FLT1: variants seen among roughly 807,000 people sequenced by gnomAD.
The protein encoded by FLT1 is vascular endothelial growth factor receptor 1.
In FLT1, 49 loss-of-function variants were observed where a neutral mutation model predicts 156.3. That is an observed-to-expected ratio of 0.31 (90% confidence interval 0.25 to 0.40). The LOEUF is 0.40. Among genes scored for constraint, FLT1 ranks in the 10% least tolerant of loss-of-function variants. The pLI, the probability that FLT1 is intolerant of heterozygous loss-of-function variation, is 1.00. For missense variants in FLT1, 1,322 were observed against 1,637.2 expected (o/e 0.81, Z 3.32); for synonymous variants, 594 against 583.8 (o/e 1.02, Z -0.25).
At chr13:28,362,073 G>A (rs1244509204) in intron 14 of FLT1, among the ~76,000 whole-genome samples, 3 of 152,186 alleles carry the variant, frequency 2.0e-5, no homozygotes, top group Non-Finnish European at 2.9e-5. Context: ...AAGTAGAGAG[G>A]AAGAAATGGA....
At chr13:28,461,482 C>T (rs1280142562) in intron 3 of FLT1, among the ~76,000 whole-genome samples, 3 of 152,164 alleles carry the variant, frequency 2.0e-5, no homozygotes, top group Admixed American at 2.0e-4. Flanking sequence ...GAAATACCAA[C>T]TCCCTTTCTC....
intron 24 of FLT1, among the ~76,000 whole-genome samples, chr13:28,318,663 T>A (rs1362898986): frequency 1.3e-5 from 2 of 151,962 alleles, no homozygotes; most frequent in Non-Finnish European, 2.9e-5. Flanking sequence ...GGGGAATGAT[T>A]TTCACACATT....
At chr13:28,326,586 C>T (rs1269787597) in intron 20 of FLT1, among the ~76,000 whole-genome samples, 1 of 126,498 alleles carries the variant, frequency 7.9e-6, no homozygotes, top group Non-Finnish European at 1.6e-5. Flanking sequence ...AGTGTAGTGG[C>T]TTGATCTCGG....
At chr13:28,387,828 C>T (rs1874459644) in intron 13 of FLT1, 2 of 829,422 alleles carry the variant, frequency 2.4e-6, no homozygotes, top group Non-Finnish European at 3.0e-6. Flanking sequence ...AAAAAAGACT[C>T]TCCGGAAGGA....
chr13:28,377,963 A>T (rs562211548), intron 14 of FLT1, among the ~76,000 whole-genome samples: 20 of 152,070 alleles, frequency 1.3e-4, no homozygotes, highest in Admixed American at 5.2e-4. Flanking sequence ...TCTAGTTTTT[A>T]AAAAAAATGC....
At chr13:28,470,777 G>A (rs1462776202) in intron 1 of FLT1, among the ~76,000 whole-genome samples, 2 of 152,036 alleles carry the variant, frequency 1.3e-5, no homozygotes, top group African/African-American at 2.4e-5. Flanking sequence ...TGCAGCCTCC[G>A]CCTCCTGGGT....
At chr13:28,334,184 G>A (rs1278988817) in intron 17 of FLT1, 55 bp from the exon 18 acceptor site, 12 of 1,146,750 alleles carry the variant, frequency 1.0e-5, no homozygotes, top group African/African-American at 1.5e-5. Context: ...GTGAGTTTAA[G>A]TCTTTTTCAG....
intron 10 of FLT1, among the ~76,000 whole-genome samples, chr13:28,406,142 A>C (rs1440724384): frequency 1.3e-5 from 2 of 152,256 alleles, no homozygotes; most frequent in Non-Finnish European, 1.5e-5. Flanking sequence ...GTAAATGTTA[A>C]TATTAAATAA....
intron 3 of FLT1, among the ~76,000 whole-genome samples, chr13:28,440,528 G>A (rs2137565446): frequency 6.6e-6 from 1 of 152,296 alleles, no homozygotes; most frequent in Middle Eastern, 3.4e-3. Context: ...ACATTCAGTG[G>A]GAAAGTAAGT....
intron 16 of FLT1, among the ~76,000 whole-genome samples, chr13:28,342,946 T>TTCTTTCTC (rs796327089): frequency 1.2e-4 from 17 of 143,004 alleles, no homozygotes; most frequent in African/African-American, 4.0e-4. Flanking sequence ...CTTTCTTTCT[T>TTCTTTCTC]TCTCTCTCTC....
At chr13:28,369,854 A>C (rs1873475411) in intron 14 of FLT1, among the ~76,000 whole-genome samples, 1 of 152,198 alleles carries the variant, frequency 6.6e-6, no homozygotes, top group Non-Finnish European at 1.5e-5. Flanking sequence ...TGAAAAAGAC[A>C]GAGAAAGAAC....
chr13:28,466,755 C>T (rs753385236), intron 3 of FLT1, 148 bp downstream of exon 3: 136 of 711,282 alleles, frequency 1.9e-4, no homozygotes, highest in Non-Finnish European at 3.1e-4. Flanking sequence ...TTGACATCCA[C>T]GAAAGTGTCT....
At chr13:28,413,810 G>A (rs1471551430) in intron 10 of FLT1, among the ~76,000 whole-genome samples, 3 of 152,200 alleles carry the variant, frequency 2.0e-5, no homozygotes, top group Non-Finnish European at 4.4e-5. Context: ...AGTGGAGGTA[G>A]GGAATCACAG....
At chr13:28,385,224 T>TG (rs2137450062) in intron 13 of FLT1, among the ~76,000 whole-genome samples, 193 bp from the exon 14 acceptor site, 1 of 152,370 alleles carries the variant, frequency 6.6e-6, no homozygotes, top group Non-Finnish European at 1.5e-5. Flanking sequence ...AATTGAAATT[T>TG]ATTACAACAC....
At chr13:28,407,377 T>C (rs989142981) in intron 10 of FLT1, among the ~76,000 whole-genome samples, 7 of 150,890 alleles carry the variant, frequency 4.6e-5, no homozygotes, top group Admixed American at 2.0e-4. Context: ...CCCTTTTTTT[T>C]CTTCTGTATT....
Position 28,322,857 on chromosome 13 carries a change from G to A in FLT1, c.2886C>T (p.Ser962=), listed in dbSNP as rs764102997. ...GKKPRLDSVT[S]SESFASSGFQ... ...AGCCGGAGCTCGCAAAGCTTTCGCT[G>A]CTGGTGACGCTATCTAGTCTTGGTT... Residue 962 remains serine (S), a synonymous_variant, in exon 21 of 30, where the codon AGC becomes AGT. Transcript: ENST00000282397. This position sits in a 1 kb window ranked among gnomAD's most constrained non-coding sequence, Gnocchi z 4.3. 5 of 1,614,094 alleles carry A rather than the reference G, an allele frequency of 3.1e-6. No individual in the cohort carries two copies. In the South Asian group the frequency reaches 5.5e-5, roughly 18 times the overall value.
chr13:28,365,278 G>T (rs1341770703), intron 14 of FLT1, among the ~76,000 whole-genome samples: 1 of 151,672 alleles, frequency 6.6e-6, no homozygotes, highest in Non-Finnish European at 1.5e-5. Context: ...AAATAGTATT[G>T]AGGTCTTTGA....
Position 28,302,285 on chromosome 13 carries a change from C to G in FLT1, c.*882G>C, listed in dbSNP as rs150482174. 44 of 233,280 alleles carry G rather than the reference C, an allele frequency of 1.9e-4. No homozygotes were observed. In the East Asian group the frequency reaches 2.3e-3, roughly 12 times the overall value. The allele number at this position is 233,280 out of a possible 1,614,324, so 14.5% of individuals were successfully genotyped here. A position where few individuals can be genotyped will look rare whatever the true frequency, so the allele number is the denominator to read the frequency against. On this transcript the variant is annotated 3_prime_UTR_variant, in exon 30 of 30. Coordinates refer to ENST00000282397, the MANE Select transcript of FLT1 (RefSeq NM_002019.4). The stretch of plus-strand genomic sequence containing the variant: ...TGTGACATTTTCAGTGTAAGGCCAT[C>G]ATGGCCTGGAGACAACCTAACTCTG...
chr13:28,477,997 TTTAAA>T (rs1880645713), intron 1 of FLT1, among the ~76,000 whole-genome samples: 4 of 152,254 alleles, frequency 2.6e-5, no homozygotes, highest in African/African-American at 9.6e-5. Flanking sequence ...TAACTGAGTT[TTTAAA>T]TTAGTTTGTT....
Sources: gnomAD v4.1 joint callset for allele counts (sites outside exome capture counted in the v4.1 genomes callset) on GRCh38, gnomAD v4.1.1 for gene constraint, Gnocchi (gnomAD v3.1) non-coding constraint, MANE v1.5 for transcripts, NCBI Gene and HGNC (gene_info 2026-07-23, HGNC 2026-07-21) for gene names.